DNAH10: variants seen among roughly 807,000 people sequenced by gnomAD.
The protein encoded by DNAH10 is axonemal beta dynein heavy chain 10.
DNAH10 carries 348 observed loss-of-function variants against 506.6 expected under a neutral mutation model. The observed-to-expected ratio is 0.69, with a 90% CI of 0.63 to 0.75. DNAH10 has a LOEUF of 0.75. DNAH10 is among the 30% of genes least tolerant of loss of function. The pLI is 0.00. For missense variants in DNAH10, 5,179 were observed against 5,787.1 expected (o/e 0.89, Z 3.41); for synonymous variants, 2,059 against 2,198.6 (o/e 0.94, Z 1.78).
At chr12:123,784,328 C>T in intron 8 of DNAH10, 151 bp downstream of exon 8, 1 of 771,868 alleles carries the variant, frequency 1.3e-6, no homozygotes, top group Admixed American at 2.5e-5. Flanking sequence ...GGGCAGATCG[C>T]TTGAGCTCAG....
At chr12:123,817,522 A>C (rs1035100969) in intron 21 of DNAH10, among the ~76,000 whole-genome samples, 3 of 152,124 alleles carry the variant, frequency 2.0e-5, no homozygotes, top group African/African-American at 7.2e-5. Context: ...GTCATTATCC[A>C]TTCCAGAATT....
chr12:123,935,562 C>T lies in DNAH10; in HGVS notation c.*81C>T. 7.0e-7 allele frequency: 1 copy of T among 1,425,280 alleles called. No homozygotes were observed. The highest frequency in any genetic ancestry group is 9.5e-7 in the Non-Finnish European group (1 of 1,051,872). The allele number at this position is 1,425,280 out of a possible 1,614,324, so 88.3% of individuals were successfully genotyped here. A position where few individuals can be genotyped will look rare whatever the true frequency, so the allele number is the denominator to read the frequency against. On this transcript the variant is annotated 3_prime_UTR_variant, in exon 79 of 79. Transcript: ENST00000673944. ...TCGGGTCTGCTGTCATTTCTTGGGG[C>T]CTCTCAAGAGGCAGGAGGGGGACTG...
chr12:123,783,304 C>A, intron 7 of DNAH10, 40 bp downstream of exon 7: 1 of 1,604,218 alleles, frequency 6.2e-7, no homozygotes, highest in South Asian at 1.1e-5. Context: ...CGATCCAGGT[C>A]ATGCTTACCA....
rs377478328 is a variant in DNAH10 at position 123,913,134 on chromosome 12, C to T, written c.10171C>T (p.Arg3391Trp). 57 of 1,611,740 alleles carry T rather than the reference C, an allele frequency of 3.5e-5. No individual in the cohort carries two copies. In the East Asian group the frequency reaches 5.8e-4, roughly 16 times the overall value. Residue 3391 changes from arginine to tryptophan, a missense_variant, in exon 60 of 79, where the codon CGG becomes TGG. Coordinates refer to ENST00000673944, the MANE Select transcript of DNAH10 (RefSeq NM_001372106.1). This position sits in a 1 kb window ranked among gnomAD's most constrained non-coding sequence, Gnocchi z 5.1. ...RLERNFYLTK[R>W]ELERIQNELA... ...GGAGCGGAATTTTTACCTCACTAAA[C>T]GGGAACTGGAAAGGATCCAGAATGA...
chr12:123,774,346 G>A, intron 5 of DNAH10, 82 bp downstream of exon 5: 1 of 1,067,294 alleles, frequency 9.4e-7, no homozygotes, highest in Non-Finnish European at 1.4e-6. Flanking sequence ...TAGGTAGCGG[G>A]CAGCTCTTCT....
intron 49 of DNAH10, 24 bp from the exon 50 acceptor site, chr12:123,879,610 C>G: frequency 6.2e-7 from 1 of 1,613,260 alleles, no homozygotes; most frequent in Non-Finnish European, 8.5e-7. Context: ...GAGTTTGGGT[C>G]CTTAAGTGGG....
At chr12:123,895,971 G>A (rs140983507) in intron 54 of DNAH10, among the ~76,000 whole-genome samples, 1,929 of 151,856 alleles carry the variant, frequency 0.013, 38 homozygotes, top group African/African-American at 0.044. Flanking sequence ...AAATTAGCTG[G>A]GTGTGGTGGT....
intron 4 of DNAH10, among the ~76,000 whole-genome samples, chr12:123,773,776 G>T (rs942420978): frequency 1.3e-5 from 2 of 152,110 alleles, no homozygotes; most frequent in Non-Finnish European, 2.9e-5. Context: ...TTCACCTTGG[G>T]GATTTAAGCT....
chr12:123,764,578 G>A (rs1224750741), intron 1 of DNAH10, among the ~76,000 whole-genome samples: 1 of 152,160 alleles, frequency 6.6e-6, no homozygotes, highest in African/African-American at 2.4e-5. Context: ...TAACGGTGGG[G>A]TGGCTGTTGT....
intron 1 of DNAH10, among the ~76,000 whole-genome samples, chr12:123,766,124 A>T (rs1957039468): frequency 6.6e-6 from 1 of 151,532 alleles, no homozygotes; most frequent in Admixed American, 6.6e-5. Context: ...CTATCTATCT[A>T]TACATCTATC....
At chr12:123,860,769 C>T (rs1951579960) in intron 38 of DNAH10, among the ~76,000 whole-genome samples, 1 of 152,096 alleles carries the variant, frequency 6.6e-6, no homozygotes, top group Non-Finnish European at 1.5e-5. Flanking sequence ...CCTCCAGAGG[C>T]AAAGCTGTGC....
At chr12:123,887,363 A>C (rs951579071) in intron 52 of DNAH10, 50 bp downstream of exon 52, 1 of 1,567,832 alleles carries the variant, frequency 6.4e-7, no homozygotes, top group Non-Finnish European at 8.6e-7. Context: ...CTCAGCTCTT[A>C]AGGGAGTTCA....
At chr12:123,770,107 G>A (rs1229128790) in intron 2 of DNAH10, among the ~76,000 whole-genome samples, 1 of 151,668 alleles carries the variant, frequency 6.6e-6, no homozygotes. Flanking sequence ...AGGTAGCCAG[G>A]CATGGTGGCA....
At chr12:123,778,235 C>T (rs979177754) in intron 5 of DNAH10, among the ~76,000 whole-genome samples, 9 of 150,682 alleles carry the variant, frequency 6.0e-5, no homozygotes, top group African/African-American at 2.2e-4. Flanking sequence ...AATAAGATGA[C>T]ATCAAAACAT....
chr12:123,871,692 C>A, intron 45 of DNAH10, 90 bp downstream of exon 45: 1 of 1,437,954 alleles, frequency 7.0e-7, no homozygotes, highest in Non-Finnish European at 9.4e-7. Flanking sequence ...TGTGATCTCA[C>A]AGTTTCCGTG....
chr12:123,784,167 G>A lies in DNAH10; in HGVS notation c.1220G>A (p.Arg407His), dbSNP rs969847214. ...GTGCGCTTTCTCTCCACCGTGGAGC[G>A]TTATTTCAAGGTATGCTGGGTGTGC... The part of the protein sequence containing the change: ...DNVRFLSTVE[R>H]YFKNITHGSG... The change falls in exon 8 of 79, where the codon CGT (arginine) becomes CAT (histidine). Residue 407 changes from arginine to histidine, a missense_variant. Around this residue, in one of 3 missense-constraint regions of DNAH10, gnomAD observed 4,844 missense variants for 5,430.5 expected, o/e 0.89. Transcript: ENST00000673944. The A allele has an allele frequency of 1.1e-5, 17 of 1,614,056 alleles. No homozygotes were observed. In the East Asian group the frequency reaches 1.1e-4, roughly 11 times the overall value.
intron 35 of DNAH10, among the ~76,000 whole-genome samples, chr12:123,851,740 C>T (rs1346749297): frequency 2.0e-5 from 3 of 152,150 alleles, no homozygotes; most frequent in African/African-American, 4.8e-5. Flanking sequence ...TGGGAGTGGC[C>T]GTCACCACAT....
At position 123,762,819 on chromosome 12, in the gene DNAH10, G is replaced by C. The variant is rs1956878857; in HGVS notation, c.214+269G>C. 6.6e-6 allele frequency among the ~76,000 whole-genome samples: 1 copy of C among 152,210 alleles called. No individual in the cohort carries two copies. ...TGACTTAGCCCGCACCCCGTGCCAG[G>C]TGCGGTTCCAACGCTTGTATCAACT... is the stretch of plus-strand genomic sequence containing the variant. On this transcript the variant is annotated intron_variant, in intron 1 of 78. Transcript: ENST00000673944. The surrounding 1 kb of genome is among the most constrained non-coding windows in gnomAD (Gnocchi z 5.0).
intron 50 of DNAH10, 55 bp from the exon 51 acceptor site, chr12:123,881,570 G>C (rs1217823517): frequency 6.8e-7 from 1 of 1,473,062 alleles, no homozygotes; most frequent in Non-Finnish European, 9.0e-7. Context: ...CAGATGGGTA[G>C]ATTGTAAAAC....
Sources: gnomAD v4.1 joint callset for allele counts (sites outside exome capture counted in the v4.1 genomes callset) on GRCh38, gnomAD v4.1.1 for gene constraint, gnomAD v4.1.1 regional missense constraint, Gnocchi (gnomAD v3.1) non-coding constraint, MANE v1.5 for transcripts, NCBI Gene and HGNC (gene_info 2026-07-23, HGNC 2026-07-21) for gene names.